Variants in SH3PXD2A observed in about 807,000 individuals in gnomAD.
The protein encoded by SH3PXD2A is SH3 and PX domain-containing protein 2A.
In SH3PXD2A, 32 loss-of-function variants were observed where a neutral mutation model predicts 115.2. The observed-to-expected ratio is 0.28, with a 90% CI of 0.21 to 0.37. SH3PXD2A has a LOEUF of 0.37. Among genes scored for constraint, SH3PXD2A ranks in the 10% least tolerant of loss-of-function variants. The pLI is 1.00. For missense variants in SH3PXD2A, 1,328 were observed against 1,498.7 expected (o/e 0.89, Z 1.88); for synonymous variants, 610 against 629.1 (o/e 0.97, Z 0.45).
At chr10:103,838,376 G>A (rs923034676) in intron 1 of SH3PXD2A, among the ~76,000 whole-genome samples, 4 of 152,192 alleles carry the variant, frequency 2.6e-5, no homozygotes, top group African/African-American at 9.7e-5. Context: ...CTATGGGGAA[G>A]GTACTATTAT....
intron 1 of SH3PXD2A, among the ~76,000 whole-genome samples, chr10:103,816,850 T>G (rs1482141482): frequency 4.6e-5 from 7 of 152,202 alleles, no homozygotes; most frequent in Non-Finnish European, 1.0e-4. Flanking sequence ...TATTATTCTT[T>G]TTTTTGAGAC....
At chr10:103,626,668 T>C (rs963439188) in intron 9 of SH3PXD2A, among the ~76,000 whole-genome samples, 2 of 149,588 alleles carry the variant, frequency 1.3e-5, no homozygotes, top group South Asian at 2.1e-4. Flanking sequence ...GGCCCACACC[T>C]GTAATTCCAG....
chr10:103,780,010 A>G (rs1050787770), intron 2 of SH3PXD2A, among the ~76,000 whole-genome samples: 6 of 152,190 alleles, frequency 3.9e-5, no homozygotes, highest in Non-Finnish European at 7.4e-5. Context: ...CCTAGCCCCA[A>G]TTGTTCTTGA....
At chr10:103,648,242 G>A (rs1289290276) in intron 8 of SH3PXD2A, among the ~76,000 whole-genome samples, 2 of 152,176 alleles carry the variant, frequency 1.3e-5, no homozygotes, top group African/African-American at 2.4e-5. Context: ...TCCCTACCCC[G>A]ATACCAGTGG....
Position 103,603,566 on chromosome 10 carries a change from A to G in SH3PXD2A, c.1652T>C (p.Leu551Pro). Reference sequence around the variant, plus strand: ...GTCATACTCAGGCTCCTCATACTTGAGCTTCCGCGGGGAGTCCTGGCTCTC... The same window carrying G: ...GTCATACTCAGGCTCCTCATACTTGGGCTTCCGCGGGGAGTCCTGGCTCTC... ...ASESQDSPRK[L>P]KYEEPEYDIP... is the part of the protein sequence containing the mutation. Residue 551 changes from leucine (L) to proline (P), a missense_variant, in exon 15 of 15, where the codon CTC (leucine) becomes CCC (proline). Around this residue, in one of 5 missense-constraint regions of SH3PXD2A, gnomAD observed 509 missense variants for 628.3 expected, o/e 0.81. Transcript: ENST00000369774. 1 of 1,611,788 alleles carries G rather than the reference A, an allele frequency of 6.2e-7. No homozygotes were observed. Among genetic ancestry groups the G allele is most frequent in the Non-Finnish European group, 8.5e-7 (1 of 1,178,900 alleles).
intron 2 of SH3PXD2A, among the ~76,000 whole-genome samples, chr10:103,783,952 G>C (rs889931737): frequency 6.6e-6 from 1 of 152,200 alleles, no homozygotes; most frequent in African/African-American, 2.4e-5. Context: ...CTCCTTGGGG[G>C]AAAAACTGCC....
chr10:103,795,756 T>C (rs1316599661), intron 2 of SH3PXD2A, among the ~76,000 whole-genome samples: 1 of 151,942 alleles, frequency 6.6e-6, no homozygotes, highest in Non-Finnish European at 1.5e-5. Flanking sequence ...GTGAGACCCA[T>C]AAAGGCAGGA....
At chr10:103,605,394 G>A (rs778958386) in intron 14 of SH3PXD2A, among the ~76,000 whole-genome samples, 6 of 152,224 alleles carry the variant, frequency 3.9e-5, no homozygotes, top group Non-Finnish European at 7.3e-5. Flanking sequence ...TAGACCCCTT[G>A]TAGGTGACAC....
intron 1 of SH3PXD2A, among the ~76,000 whole-genome samples, chr10:103,843,501 T>C (rs1012693137): frequency 6.6e-6 from 1 of 152,184 alleles, no homozygotes; most frequent in Non-Finnish European, 1.5e-5. Context: ...CCTTCAAAAG[T>C]GGCCCTGGGC....
At chr10:103,815,619 G>A (rs898242289) in intron 1 of SH3PXD2A, among the ~76,000 whole-genome samples, 2 of 151,942 alleles carry the variant, frequency 1.3e-5, no homozygotes, top group Non-Finnish European at 2.9e-5. Flanking sequence ...GGCCAGGTGC[G>A]GTGGCTCATG....
intron 6 of SH3PXD2A, among the ~76,000 whole-genome samples, chr10:103,690,806 A>G (rs2037740534): frequency 6.6e-6 from 1 of 152,250 alleles, no homozygotes; most frequent in African/African-American, 2.4e-5. Context: ...GGGCACAGAG[A>G]GGCTAAGAAA....
At chr10:103,820,155 G>A (rs1037485530) in intron 1 of SH3PXD2A, among the ~76,000 whole-genome samples, 2 of 152,134 alleles carry the variant, frequency 1.3e-5, no homozygotes, top group South Asian at 2.1e-4. Flanking sequence ...CCCAGGCACC[G>A]GATCTGAGAG....
At chr10:103,643,625 G>C (rs149269632) in intron 8 of SH3PXD2A, among the ~76,000 whole-genome samples, 184 of 152,320 alleles carry the variant, frequency 1.2e-3, no homozygotes, top group East Asian at 0.01. Context: ...GCGTCTGACA[G>C]ATGTTAACAG....
chr10:103,744,423 G>A (rs1411358130), intron 3 of SH3PXD2A, among the ~76,000 whole-genome samples: 1 of 152,152 alleles, frequency 6.6e-6, no homozygotes, highest in Admixed American at 6.5e-5. Flanking sequence ...AAAGTGCTGG[G>A]ATTACAGGCA....
At chr10:103,653,401 G>A (rs2037160028) in intron 8 of SH3PXD2A, among the ~76,000 whole-genome samples, 1 of 152,210 alleles carries the variant, frequency 6.6e-6, no homozygotes, top group Non-Finnish European at 1.5e-5. Flanking sequence ...ATTGCCCTGA[G>A]GCTACAACTC....
intron 3 of SH3PXD2A, among the ~76,000 whole-genome samples, chr10:103,765,924 C>T (rs2038749747): frequency 1.3e-5 from 2 of 152,196 alleles, no homozygotes; most frequent in Non-Finnish European, 2.9e-5. Context: ...GCCGAGAGTC[C>T]CTACACCCTC....
chr10:103,621,406 T>G (rs1300731589), intron 10 of SH3PXD2A, among the ~76,000 whole-genome samples: 1 of 152,184 alleles, frequency 6.6e-6, no homozygotes, highest in Non-Finnish European at 1.5e-5. Context: ...AAGCTGGACT[T>G]CTCATGGCCA....
In SH3PXD2A at chr10:103,612,985, T is replaced by C. The variant is rs1214859105; in HGVS notation, c.1126A>G (p.Lys376Glu). The change falls in exon 12 of 15, where the codon AAG (lysine) becomes GAG (glutamate). Residue 376 changes from lysine (K) to glutamate (E), a missense_variant. Lys to Glu is a moderately conservative substitution (Grantham distance 56). Transcript: ENST00000369774. ...CAGAGGATGGGCAGGCTGATCTCCT[T>C]CTTGGCAATGGGGGCCTCATGGCCC... ...GEGHEAPIAK[K>E]EISLPILCNA... 1 of 1,614,130 alleles carries C rather than the reference T, an allele frequency of 6.2e-7. No homozygotes were observed. The highest frequency in any genetic ancestry group is 8.5e-7 in the Non-Finnish European group (1 of 1,180,048).
chr10:103,692,120 G>T (rs1394918308), intron 6 of SH3PXD2A, among the ~76,000 whole-genome samples: 2 of 152,124 alleles, frequency 1.3e-5, no homozygotes, highest in Non-Finnish European at 2.9e-5. Context: ...CAATCCACGT[G>T]TCAGCACGGA....
Sources: gnomAD v4.1 joint callset for allele counts (sites outside exome capture counted in the v4.1 genomes callset) on GRCh38, gnomAD v4.1.1 for gene constraint, gnomAD v4.1.1 regional missense constraint, MANE v1.5 for transcripts, NCBI Gene and HGNC (gene_info 2026-07-23, HGNC 2026-07-21) for gene names.